The following SEMA3A variants were observed in gnomAD, a reference collection of about 807,000 sequenced individuals.
The protein encoded by SEMA3A is semaphorin-3A.
SEMA3A carries 29 observed loss-of-function variants against 97.9 expected under a neutral mutation model. That is an observed-to-expected ratio of 0.30 (90% CI 0.22 to 0.40). SEMA3A has a LOEUF of 0.40. Ranked by LOEUF, SEMA3A falls within the 10% of genes least tolerant of loss-of-function variation. The pLI is 1.00. For missense variants in SEMA3A, 763 were observed against 951.3 expected, an observed-to-expected ratio of 0.80 and a Z score of 2.60; for synonymous variants, 321 against 323.7, an observed-to-expected ratio of 0.99 and a Z score of 0.09.
intron 1 of SEMA3A, among the ~76,000 whole-genome samples, chr7:84,406,126 G>T (rs575439663): frequency 1.4e-3 from 211 of 152,166 alleles, no homozygotes; most frequent in Non-Finnish European, 1.9e-3. Flanking sequence ...TTTTTGAAAA[G>T]ATCAACAAAA....
At chr7:83,993,237 A>G (rs1717206669) in intron 12 of SEMA3A, among the ~76,000 whole-genome samples, 1 of 63,486 alleles carries the variant, frequency 1.6e-5, no homozygotes, top group African/African-American at 8.6e-5. Context: ...GGTGTCCTGA[A>G]TACAGCACAC....
intron 3 of SEMA3A, among the ~76,000 whole-genome samples, chr7:84,267,543 T>TA: frequency 6.6e-6 from 1 of 152,144 alleles, no homozygotes; most frequent in South Asian, 2.1e-4. Context: ...GTAATTTTTT[T>TA]CTATAAATAT....
chr7:84,128,203 C>T (rs543515799), intron 3 of SEMA3A, among the ~76,000 whole-genome samples: 1 of 151,652 alleles, frequency 6.6e-6, no homozygotes, highest in African/African-American at 2.4e-5. Context: ...ATTCCTATTG[C>T]ATGGTCCTTT....
chr7:83,985,492 G>T lies in SEMA3A; in HGVS notation c.1453-15C>A, dbSNP rs201089771. 1.9e-6 allele frequency: 3 copies of T among 1,606,560 alleles called. No individual in the cohort carries two copies. Among genetic ancestry groups the T allele is most frequent in the African/African-American group, 1.3e-5 (1 of 74,864 alleles). ...GCAGTCGGTTCCTAAAGGAGAAAAAGAAATATGTGAGGTGTTTGGTCAATT... is the reference window on the plus strand; with the variant it reads ...GCAGTCGGTTCCTAAAGGAGAAAAATAAATATGTGAGGTGTTTGGTCAATT... On this transcript the variant is annotated splice_polypyrimidine_tract_variant and intron_variant, in intron 12 of 16. Transcript: ENST00000265362.
At position 84,036,421 on chromosome 7, in the gene SEMA3A, A is replaced by G. The variant is rs537058256; in HGVS notation, c.667+9903T>C. ...AAAAATGGAAGTTGCCAGAGTACAT[A>G]TTGGTAGCTACCAAATGTAGTTCAT... On this transcript the variant is annotated intron_variant, in intron 6 of 16. Transcript: ENST00000265362. Among the ~76,000 whole-genome samples the G allele has an allele frequency of 1.3e-4, 20 of 152,238 alleles. No homozygotes were observed. In the East Asian group the frequency reaches 3.9e-3, roughly 29 times the overall value.
chr7:84,045,273 C>T (rs185003747), intron 6 of SEMA3A, among the ~76,000 whole-genome samples: 10 of 151,992 alleles, frequency 6.6e-5, no homozygotes, highest in Non-Finnish European at 1.3e-4. Context: ...TGACTATAAA[C>T]CATAAGCCTC....
intron 1 of SEMA3A, among the ~76,000 whole-genome samples, chr7:84,442,454 A>T (rs1299786796): frequency 6.6e-6 from 1 of 152,112 alleles, no homozygotes; most frequent in African/African-American, 2.4e-5. Flanking sequence ...AACAATACAG[A>T]AGTTAGCTAA....
intron 2 of SEMA3A, among the ~76,000 whole-genome samples, chr7:84,131,423 A>C (rs1168812099): frequency 1.3e-5 from 2 of 152,048 alleles, no homozygotes; most frequent in Non-Finnish European, 2.9e-5. Context: ...TTTCATCCTT[A>C]TGCCTCTACA....
intron 14 of SEMA3A, 143 bp from the exon 15 acceptor site, chr7:83,977,339 A>G (rs1231697658): frequency 2.5e-6 from 1 of 396,696 alleles, no homozygotes; most frequent in African/African-American, 2.1e-5. Context: ...TCTACATCCA[A>G]CTAAAAGATT....
intron 4 of SEMA3A, among the ~76,000 whole-genome samples, chr7:84,108,867 T>A (rs1795192745): frequency 7.0e-6 from 1 of 141,936 alleles, no homozygotes; most frequent in Non-Finnish European, 1.5e-5. Context: ...ATTGTGCCAC[T>A]GCACTCCAGC....
intron 12 of SEMA3A, among the ~76,000 whole-genome samples, chr7:83,987,822 T>C (rs1037633530): frequency 7.2e-5 from 11 of 152,160 alleles, no homozygotes; most frequent in Admixed American, 2.6e-4. Flanking sequence ...TGGCATTTCT[T>C]CAAAAATAAT....
intron 6 of SEMA3A, among the ~76,000 whole-genome samples, chr7:84,044,897 A>C (rs1175379504): frequency 6.6e-6 from 1 of 152,090 alleles, no homozygotes. Flanking sequence ...TGCCATTAAA[A>C]GCCAAGGCTG....
intron 4 of SEMA3A, among the ~76,000 whole-genome samples, chr7:84,083,405 G>A (rs1208392386): frequency 6.6e-6 from 1 of 150,854 alleles, no homozygotes; most frequent in African/African-American, 2.4e-5. Flanking sequence ...GGGTAATTGG[G>A]ATATCTATCA....
chr7:84,150,994 C>T (rs530459385), intron 1 of SEMA3A, among the ~76,000 whole-genome samples: 3,306 of 146,248 alleles, frequency 0.023, 60 homozygotes, highest in Non-Finnish European at 0.035. Context: ...ACACCTCACA[C>T]TGCAGGGTAC....
chr7:84,449,569 T>G (rs1323018448), intron 1 of SEMA3A, among the ~76,000 whole-genome samples: 1 of 152,126 alleles, frequency 6.6e-6, no homozygotes, highest in Non-Finnish European at 1.5e-5. Flanking sequence ...ATTGAATTTA[T>G]TATAAAATCC....
intron 1 of SEMA3A, among the ~76,000 whole-genome samples, chr7:84,405,972 C>A (rs1804072917): frequency 6.6e-6 from 1 of 152,046 alleles, no homozygotes; most frequent in Non-Finnish European, 1.5e-5. Flanking sequence ...CACACCCTAA[C>A]AACACAATTA....
chr7:84,397,992 T>A (rs1302503393), intron 1 of SEMA3A, among the ~76,000 whole-genome samples: 2 of 152,206 alleles, frequency 1.3e-5, no homozygotes, highest in African/African-American at 4.8e-5. Flanking sequence ...CTGTATGCCA[T>A]GCATTGTGCT....
intron 1 of SEMA3A, among the ~76,000 whole-genome samples, chr7:84,153,231 C>G (rs1796734337): frequency 6.6e-6 from 1 of 152,112 alleles, no homozygotes; most frequent in African/African-American, 2.4e-5. Flanking sequence ...GTTGAAAATG[C>G]TCTTGTTGCA....
intron 6 of SEMA3A, among the ~76,000 whole-genome samples, chr7:84,021,672 T>A (rs1028866746): frequency 2.0e-5 from 3 of 152,066 alleles, no homozygotes; most frequent in Non-Finnish European, 4.4e-5. Context: ...AATATCCCTA[T>A]TTTTTTCTTT....
Sources: allele counts gnomAD v4.1 joint callset (sites outside exome capture counted in the v4.1 genomes callset), GRCh38; gene constraint gnomAD v4.1.1; transcripts MANE v1.5; gene names NCBI Gene and HGNC (gene_info 2026-07-23, HGNC 2026-07-21).